Variants in ABLIM1 observed in about 807,000 individuals in gnomAD.
ABLIM1 encodes actin-binding LIM protein 1.
In ABLIM1, 40 loss-of-function variants were observed where a neutral mutation model predicts 107.0. That is an observed-to-expected ratio of 0.37 (90% CI 0.29 to 0.49). ABLIM1 has a LOEUF of 0.49. ABLIM1 is among the 20% of genes least tolerant of loss of function. The probability of loss-of-function intolerance (pLI) is 0.97; values close to 1 mark genes in which losing one functional copy is unlikely to be tolerated. For missense variants in ABLIM1, 857 were observed against 1,008.5 expected (o/e 0.85, Z 2.04); for synonymous variants, 357 against 357.3 (o/e 1.00, Z 0.01).
At chr10:114,784,721 G>A in the ABLIM1 span, among the ~76,000 whole-genome samples, 10 of 145,072 alleles carry the variant, frequency 6.9e-5, no homozygotes, top group African/African-American at 2.3e-4. Context: ...GGTAGCTGGA[G>A]AAGGAAGACA....
chr10:114,437,898 C>A lies in ABLIM1; in HGVS notation c.2169G>T (p.Val723=). The change falls in exon 22 of 23, where the codon GTG becomes GTT. Residue 723 remains valine, a synonymous_variant. Coordinates refer to ENST00000533213, the MANE Select transcript of ABLIM1 (RefSeq NM_002313.7). ...PKIFPYEMLM[V]TNRGRNKILR... ...GGATTTTGTTTCGCCCTCTGTTGGT[C>A]ACCATGAGCATTTCATATGGAAATA... The A allele has an allele frequency of 6.2e-7, 1 of 1,614,036 alleles. No homozygotes were observed. Among genetic ancestry groups the A allele is most frequent in the South Asian group, 1.1e-5 (1 of 91,054 alleles).
chr10:114,787,881 A>C, the ABLIM1 span, among the ~76,000 whole-genome samples: 4 of 147,612 alleles, frequency 2.7e-5, no homozygotes, highest in Admixed American at 6.8e-5. Flanking sequence ...GTTTTGTGGA[A>C]TAGAAAGGGG....
chr10:114,453,422 T>G lies in ABLIM1; in HGVS notation c.1503A>C (p.Leu501=), dbSNP rs770065004. ...TAGGGGCCTGAGCGTAAGTTGGAGT[T>G]AGAGGGCGGCTGTCTGGCCGGTAAG... ...PLPYRPDSRP[L]TPTYAQAPKH... The change falls in exon 13 of 23, where the codon CTA becomes CTC. Residue 501 remains leucine (L), a synonymous_variant. Coordinates refer to ENST00000533213, the MANE Select transcript of ABLIM1 (RefSeq NM_002313.7). 9 of 1,613,570 alleles carry G rather than the reference T, an allele frequency of 5.6e-6. No individual in the cohort carries two copies. The African/African-American group carries it at 9.4e-5, about 17-fold the overall frequency.
intron 1 of ABLIM1, 131 bp downstream of exon 1, chr10:114,657,826 C>G: frequency 5.2e-6 from 4 of 770,588 alleles, no homozygotes; most frequent in Non-Finnish European, 8.3e-6. Context: ...ACCCTCACCC[C>G]CATTAATTAT....
chr10:114,526,346 T>TA (rs1226398505), intron 6 of ABLIM1, among the ~76,000 whole-genome samples: 1 of 152,096 alleles, frequency 6.6e-6, no homozygotes, highest in African/African-American at 2.4e-5. Flanking sequence ...GGTAGCAGCC[T>TA]AAAAAAACAT....
chr10:114,714,491 T>G (rs897771077), intron 1 of ABLIM1, among the ~76,000 whole-genome samples: 1 of 152,216 alleles, frequency 6.6e-6, no homozygotes, highest in Non-Finnish European at 1.5e-5. Context: ...TTGAGAAAGA[T>G]TTGGGAACTC....
At chr10:114,495,312 G>A (rs781429926) in intron 6 of ABLIM1, among the ~76,000 whole-genome samples, 6 of 152,232 alleles carry the variant, frequency 3.9e-5, no homozygotes, top group South Asian at 2.1e-4. Flanking sequence ...ACCCCAGCCC[G>A]TACTGGAAAT....
intron 1 of ABLIM1, among the ~76,000 whole-genome samples, chr10:114,680,628 C>A (rs189101963): frequency 6.6e-6 from 1 of 152,120 alleles, no homozygotes; most frequent in East Asian, 1.9e-4. Flanking sequence ...TCAGATCTGC[C>A]CCTTCTAACC....
chr10:114,628,831 T>C (rs2077986637), intron 1 of ABLIM1, among the ~76,000 whole-genome samples: 1 of 152,232 alleles, frequency 6.6e-6, no homozygotes, highest in Non-Finnish European at 1.5e-5. Context: ...CCCTTTTGTA[T>C]TCTTAAAACT....
At chr10:114,599,148 A>G (rs2075745136) in intron 2 of ABLIM1, among the ~76,000 whole-genome samples, 1 of 152,250 alleles carries the variant, frequency 6.6e-6, no homozygotes, top group Non-Finnish European at 1.5e-5. Flanking sequence ...ATATAAATTT[A>G]TAAGGATAGA....
intron 5 of ABLIM1, among the ~76,000 whole-genome samples, chr10:114,547,269 G>C (rs1408708151): frequency 6.6e-6 from 1 of 152,024 alleles, no homozygotes; most frequent in Non-Finnish European, 1.5e-5. Context: ...CCACAACCTA[G>C]GCTTTGTGTG....
chr10:114,585,456 G>A (rs1399381160), intron 2 of ABLIM1, among the ~76,000 whole-genome samples: 1 of 152,152 alleles, frequency 6.6e-6, no homozygotes, highest in Admixed American at 6.5e-5. Context: ...GAAATCATTA[G>A]CATGGGGTCT....
intron 12 of ABLIM1, among the ~76,000 whole-genome samples, chr10:114,457,329 G>A (rs758263591): frequency 6.6e-6 from 1 of 152,024 alleles, no homozygotes; most frequent in Non-Finnish European, 1.5e-5. Context: ...TAGTGCAGTG[G>A]TGCAGTCTCG....
chr10:114,661,805 T>G (rs1213798196), upstream of ABLIM1, among the ~76,000 whole-genome samples: 1 of 152,188 alleles, frequency 6.6e-6, no homozygotes, highest in Admixed American at 6.5e-5. Context: ...TATGATAGAC[T>G]ATGAAAATGA....
chr10:114,468,285 G>GT, intron 10 of ABLIM1, 69 bp from the exon 11 acceptor site: 10 of 1,487,112 alleles, frequency 6.7e-6, no homozygotes, highest in South Asian at 3.4e-5. Flanking sequence ...TTGTTTGTTT[G>GT]TTTGTTTGAG....
At chr10:114,635,409 A>G (rs765845336) in intron 1 of ABLIM1, among the ~76,000 whole-genome samples, 1 of 152,256 alleles carries the variant, frequency 6.6e-6, no homozygotes, top group Non-Finnish European at 1.5e-5. Flanking sequence ...ATTCTCCTCT[A>G]CAGAGCCATG....
At chr10:114,723,651 G>T (rs908060177) in intron 1 of ABLIM1, among the ~76,000 whole-genome samples, 5 of 152,198 alleles carry the variant, frequency 3.3e-5, no homozygotes, top group Admixed American at 2.0e-4. Context: ...TTTGCAGCCC[G>T]CCTGACATGC....
At chr10:114,667,631 T>C (rs2080081206) in intron 1 of ABLIM1, among the ~76,000 whole-genome samples, 1 of 152,250 alleles carries the variant, frequency 6.6e-6, no homozygotes, top group Non-Finnish European at 1.5e-5. Context: ...TGTCAAGATA[T>C]AGAACACTTC....
intron 1 of ABLIM1, among the ~76,000 whole-genome samples, chr10:114,623,295 A>C (rs1029491668): frequency 6.6e-6 from 1 of 152,172 alleles, no homozygotes; most frequent in Admixed American, 6.5e-5. Context: ...GCTGAGCCCC[A>C]ACTCGCCCCC....
Sources: gnomAD v4.1 joint callset for allele counts (sites outside exome capture counted in the v4.1 genomes callset) on GRCh38, gnomAD v4.1.1 for gene constraint, MANE v1.5 for transcripts, NCBI Gene and HGNC (gene_info 2026-07-23, HGNC 2026-07-21) for gene names.